Variants in PTPRD observed in about 807,000 individuals in gnomAD.
PTPRD encodes the protein receptor-type tyrosine-protein phosphatase delta.
A neutral mutation model predicts 214.5 loss-of-function variants in PTPRD; 34 were observed. That is an observed-to-expected ratio of 0.16 (90% confidence interval 0.12 to 0.21). The LOEUF is 0.21. Among genes scored for constraint, PTPRD ranks in the 10% least tolerant of loss-of-function variants. The pLI is 1.00. For synonymous variants in PTPRD, 1,128 were observed against 845.7 expected (o/e 1.33, Z -5.79); for missense variants, 2,545 against 2,398.7 (o/e 1.06, Z -1.27).
rs559682702 is a variant in PTPRD, at chr9:9,386,574, T to C, written c.-203+10875A>G. On this transcript the variant is annotated intron_variant, in intron 9 of 45. Coordinates refer to ENST00000381196, the MANE Select transcript of PTPRD (RefSeq NM_002839.4). ...ATGCATTTTATAACAATGGTTATTA[T>C]ATATATTTGTAGAGGAGGAGGTGAG... Among the ~76,000 whole-genome samples, 22 of 152,288 alleles carry C rather than the reference T, an allele frequency of 1.4e-4. No homozygotes were observed. The South Asian group carries it at 2.9e-3, about 20-fold the overall frequency.
intron 4 of PTPRD, among the ~76,000 whole-genome samples, chr9:9,964,053 G>GGGGC (rs2094522603): frequency 6.6e-6 from 1 of 152,154 alleles, no homozygotes; most frequent in Non-Finnish European, 1.5e-5. Context: ...GACAGAGGCA[G>GGGGC]AGGCAGGCAG....
chr9:8,874,013 C>A (rs1014030305), intron 11 of PTPRD, among the ~76,000 whole-genome samples: 8 of 152,026 alleles, frequency 5.3e-5, no homozygotes, highest in East Asian at 1.9e-4. Flanking sequence ...CTTTGAGGGG[C>A]AAAACTACAT....
intron 2 of PTPRD, among the ~76,000 whole-genome samples, chr9:10,484,787 G>A (rs187386305): frequency 1.7e-4 from 26 of 152,086 alleles, no homozygotes; most frequent in Admixed American, 6.6e-4. Context: ...AAGATGTGTA[G>A]TTTGCAAATA....
intron 7 of PTPRD, among the ~76,000 whole-genome samples, chr9:9,652,684 G>A (rs982078132): frequency 4.7e-5 from 7 of 150,282 alleles, no homozygotes; most frequent in Non-Finnish European, 7.4e-5. Context: ...GCACGATCTC[G>A]GCTCACTGCA....
intron 8 of PTPRD, among the ~76,000 whole-genome samples, chr9:9,483,864 A>C (rs986301238): frequency 6.6e-6 from 1 of 151,768 alleles, no homozygotes; most frequent in African/African-American, 2.4e-5. Flanking sequence ...TCTGAAGTTA[A>C]AATTTTGAAA....
At chr9:8,953,216 A>G (rs185905144) in intron 11 of PTPRD, among the ~76,000 whole-genome samples, 1 of 152,012 alleles carries the variant, frequency 6.6e-6, no homozygotes, top group East Asian at 1.9e-4. Flanking sequence ...TCAGAAAGGT[A>G]TATCCCAGGA....
chr9:9,243,068 C>G (rs1351477726), intron 9 of PTPRD, among the ~76,000 whole-genome samples: 3 of 152,056 alleles, frequency 2.0e-5, no homozygotes, highest in Non-Finnish European at 4.4e-5. Flanking sequence ...CAGTCAGGAC[C>G]CTCAGCTGCA....
At chr9:8,791,416 T>TGA (rs2096231097) in intron 11 of PTPRD, among the ~76,000 whole-genome samples, 1 of 151,610 alleles carries the variant, frequency 6.6e-6, no homozygotes, top group Non-Finnish European at 1.5e-5. Flanking sequence ...AGTAGAGACA[T>TGA]GGTTTCACCA....
Position 10,439,888 on chromosome 9 carries a change from T to C in PTPRD, c.-599-98871A>G, listed in dbSNP as rs190952991. 1.9e-4 allele frequency among the ~76,000 whole-genome samples: 29 copies of C among 151,856 alleles called. No homozygotes were observed. The East Asian group carries it at 5.4e-3, about 28-fold the overall frequency. On this transcript the variant is annotated intron_variant, in intron 2 of 45. Transcript: ENST00000381196. Reference sequence around the variant, plus strand: ...TACACTGTACTGTTTATTTTTAATCTTCCCTAATTTTTAAATTGGGTTGAA... The same window carrying C: ...TACACTGTACTGTTTATTTTTAATCCTCCCTAATTTTTAAATTGGGTTGAA...
chr9:8,318,381 G>T (rs1823626031), intron 45 of PTPRD, among the ~76,000 whole-genome samples: 1 of 152,030 alleles, frequency 6.6e-6, no homozygotes. Flanking sequence ...GACACAAACT[G>T]TCCTGAGAAA....
chr9:9,652,735 C>A (rs2096396977), intron 7 of PTPRD, among the ~76,000 whole-genome samples: 2 of 151,906 alleles, frequency 1.3e-5, no homozygotes, highest in Non-Finnish European at 2.9e-5. Flanking sequence ...CTACCTCAGC[C>A]TCCCAAGTAG....
intron 32 of PTPRD, among the ~76,000 whole-genome samples, chr9:8,460,927 T>A (rs370932668): frequency 6.6e-6 from 1 of 152,090 alleles, no homozygotes; most frequent in East Asian, 1.9e-4. Flanking sequence ...AACATTTACA[T>A]TGTGCCAAGG....
chr9:9,544,903 G>A (rs2078422189), intron 8 of PTPRD, among the ~76,000 whole-genome samples: 1 of 151,634 alleles, frequency 6.6e-6, no homozygotes, highest in African/African-American at 2.4e-5. Context: ...ATTTCTAGTT[G>A]GGATGGGTTT....
chr9:8,776,985 AT>A (rs2095510607), intron 11 of PTPRD, among the ~76,000 whole-genome samples: 1 of 148,862 alleles, frequency 6.7e-6, no homozygotes, highest in African/African-American at 2.5e-5. Flanking sequence ...ATATATATAC[AT>A]TTTTTTCTTT....
At chr9:9,962,921 C>T (rs984232036) in intron 4 of PTPRD, among the ~76,000 whole-genome samples, 1 of 151,976 alleles carries the variant, frequency 6.6e-6, no homozygotes, top group African/African-American at 2.4e-5. Flanking sequence ...AAACTTACGT[C>T]AAACACTAGA....
At position 8,341,870 on chromosome 9, in the gene PTPRD, G is replaced by C. The variant is rs1852768133; in HGVS notation, c.4770C>G (p.Ala1590=). Reference sequence around the variant, plus strand: ...CTGTTTGAACCATATAGTTCCTCTGGGCTCTCATTAAAGTTACATGGCCAT... The same window carrying C: ...CTGTTTGAACCATATAGTTCCTCTGCGCTCTCATTAAAGTTACATGGCCAT... ...DIYGHVTLMR[A]QRNYMVQTED... The change falls in exon 40 of 46, where the codon GCC becomes GCG. Residue 1590 remains alanine, a synonymous_variant. Transcript: ENST00000381196. 1 of 1,613,078 alleles carries C rather than the reference G, an allele frequency of 6.2e-7. No individual in the cohort carries two copies. Among genetic ancestry groups the C allele is most frequent in the Non-Finnish European group, 8.5e-7 (1 of 1,179,618 alleles).
intron 7 of PTPRD, among the ~76,000 whole-genome samples, chr9:9,652,930 T>C (rs1172794760): frequency 6.6e-6 from 1 of 152,184 alleles, no homozygotes; most frequent in African/African-American, 2.4e-5. Context: ...ATACCACTTT[T>C]AAAGTGCTAA....
intron 2 of PTPRD, among the ~76,000 whole-genome samples, chr9:10,565,807 T>C (rs1436171497): frequency 1.3e-5 from 2 of 151,904 alleles, no homozygotes; most frequent in African/African-American, 4.8e-5. Flanking sequence ...CACTTTTTCC[T>C]TGTTAATATA....
At chr9:9,188,159 T>C (rs1226239631) in intron 9 of PTPRD, among the ~76,000 whole-genome samples, 1 of 152,056 alleles carries the variant, frequency 6.6e-6, no homozygotes, top group East Asian at 1.9e-4. Context: ...TAATCAAGTA[T>C]TGCATGTTAT....
Sources: allele counts gnomAD v4.1 joint callset (sites outside exome capture counted in the v4.1 genomes callset), GRCh38; gene constraint gnomAD v4.1.1; transcripts MANE v1.5; gene names NCBI Gene and HGNC (gene_info 2026-07-23, HGNC 2026-07-21).